The following JKAMP variants were observed in gnomAD, a reference collection of about 807,000 sequenced individuals.
The protein encoded by JKAMP is JNK1/MAPK8 associated membrane protein.
In JKAMP, 20 loss-of-function variants were observed where a neutral mutation model predicts 40.2. The observed-to-expected ratio is 0.50, with a 90% CI of 0.35 to 0.72. JKAMP has a LOEUF of 0.72. JKAMP is among the 30% of genes least tolerant of loss of function. The pLI is 0.01. For missense variants in JKAMP, 276 were observed against 373.0 expected (o/e 0.74, Z 2.14); for synonymous variants, 138 against 131.6 (o/e 1.05, Z -0.33).
intron 3 of JKAMP, among the ~76,000 whole-genome samples, chr14:59,493,372 C>G (rs1389300955): frequency 6.6e-6 from 1 of 152,198 alleles, no homozygotes; most frequent in African/African-American, 2.4e-5. Context: ...AATGCTGCAG[C>G]ATGGTCAAGC....
chr14:59,487,654 A>G lies in JKAMP; in HGVS notation c.97-20A>G. The G allele has an allele frequency of 6.3e-7, 1 of 1,584,622 alleles. No individual in the cohort carries two copies. Among genetic ancestry groups the G allele is most frequent in the African/African-American group, 1.3e-5 (1 of 74,424 alleles). On this transcript the variant is annotated intron_variant, in intron 2 of 6. Coordinates refer to ENST00000616435, the MANE Select transcript of JKAMP (RefSeq NM_016475.5). ...GTAAAATAATATCTGTACACAAAAT[A>G]TTGGTTTTATATATTATAGGTATGC...
In JKAMP at chr14:59,488,972, G is replaced by A. The variant is rs544329980; in HGVS notation, c.251+1144G>A. 5.3e-5 allele frequency among the ~76,000 whole-genome samples: 8 copies of A among 152,372 alleles called. No individual in the cohort carries two copies. The South Asian group carries it at 1.7e-3, about 32-fold the overall frequency. ...CTATTCTTTCCTTCTAGGCCTCTGG[G>A]CCTGTGGTCGGACAGGCAGTCTGAA... is the stretch of plus-strand genomic sequence containing the variant. On this transcript the variant is annotated intron_variant, in intron 3 of 6. Transcript: ENST00000616435.
chr14:59,490,308 A>C (rs1373782869), intron 3 of JKAMP, among the ~76,000 whole-genome samples: 1 of 152,206 alleles, frequency 6.6e-6, no homozygotes, highest in Admixed American at 6.5e-5. Flanking sequence ...CAAGTCATTC[A>C]TGAGGCTTCC....
At chr14:59,494,121 G>GTGTGTGT (rs1891242133) in intron 3 of JKAMP, among the ~76,000 whole-genome samples, 29 of 150,964 alleles carry the variant, frequency 1.9e-4, no homozygotes, top group African/African-American at 1.2e-4. Flanking sequence ...AGAAAATTTG[G>GTGTGTGT]GTGTGTGTGT....
chr14:59,487,603 G>A lies in JKAMP; in HGVS notation c.97-71G>A, dbSNP rs964395234. ...TTAAACTGAAATGGGATGTCTTATA[G>A]AATGATTTGGGGGGGTGTTAATGTT... On this transcript the variant is annotated intron_variant, in intron 2 of 6. Transcript: ENST00000616435. 5.2e-6 allele frequency: 6 copies of A among 1,155,666 alleles called. No homozygotes were observed. In the Admixed American group the frequency reaches 9.0e-5, roughly 17 times the overall value. The allele number at this position is 1,155,666 out of a possible 1,614,324, so 71.6% of individuals were successfully genotyped here. A position where few individuals can be genotyped will look rare whatever the true frequency, so the allele number is the denominator to read the frequency against.
At chr14:59,486,658 A>ATT in intron 1 of JKAMP, 55 bp from the exon 2 acceptor site, 1 of 1,245,054 alleles carries the variant, frequency 8.0e-7, no homozygotes, top group Non-Finnish European at 1.1e-6. Context: ...TATTATTGCA[A>ATT]TTATTTTTTA....
intron 3 of JKAMP, among the ~76,000 whole-genome samples, chr14:59,493,681 A>G (rs375398481): frequency 1.3e-5 from 2 of 152,360 alleles, no homozygotes; most frequent in African/African-American, 2.4e-5. Context: ...ACTGTGACAT[A>G]GCTCAGACCA....
intron 4 of JKAMP, among the ~76,000 whole-genome samples, chr14:59,497,614 G>C (rs1416001710): frequency 6.6e-6 from 1 of 152,130 alleles, no homozygotes; most frequent in Non-Finnish European, 1.5e-5. Flanking sequence ...ACACATAATG[G>C]TTTCCTCTTG....
intron 3 of JKAMP, among the ~76,000 whole-genome samples, chr14:59,489,576 A>G (rs555909103): frequency 6.6e-6 from 1 of 152,310 alleles, no homozygotes; most frequent in African/African-American, 2.4e-5. Flanking sequence ...AAACACTTTC[A>G]GCCTCTGTCT....
intron 4 of JKAMP, among the ~76,000 whole-genome samples, chr14:59,496,030 A>G (rs1891416430): frequency 6.6e-6 from 1 of 152,116 alleles, no homozygotes. Flanking sequence ...CAGCCTCCCA[A>G]GTAGCTGGGA....
At chr14:59,502,755 T>TGTGTTTTTTTTTTTGTTTTTG (rs67189643) in intron 6 of JKAMP, among the ~76,000 whole-genome samples, 3 of 122,916 alleles carry the variant, frequency 2.4e-5, no homozygotes, top group Non-Finnish European at 3.3e-5. Context: ...ATGAGATTTT[T>TGTGTTTTTTTTTTTGTTTTTG]TTTTTTTTTT....
intron 3 of JKAMP, among the ~76,000 whole-genome samples, chr14:59,490,518 T>G (rs1275413264): frequency 1.3e-5 from 2 of 152,078 alleles, no homozygotes; most frequent in Admixed American, 1.3e-4. Flanking sequence ...GTAGGTAGAT[T>G]AGAGGTGAGA....
At chr14:59,498,944 A>T in intron 5 of JKAMP, 36 bp downstream of exon 5, 1 of 1,138,116 alleles carries the variant, frequency 8.8e-7, no homozygotes, top group Non-Finnish European at 1.2e-6. Context: ...AAATATATTT[A>T]TTATTGTATG....
chr14:59,503,446 T>G (rs919015986), intron 6 of JKAMP, among the ~76,000 whole-genome samples: 1 of 152,184 alleles, frequency 6.6e-6, no homozygotes, highest in Non-Finnish European at 1.5e-5. Context: ...TTAAGGAGGT[T>G]GGGTTTCTGT....
At position 59,484,697 on chromosome 14, in the gene JKAMP, G is replaced by C. The variant is rs1000726968; in HGVS notation, c.4+104G>C. 1.2e-5 allele frequency: 17 copies of C among 1,397,586 alleles called. No homozygotes were observed. In the Middle Eastern group the frequency reaches 1.1e-3, roughly 87 times the overall value. The allele number at this position is 1,397,586 out of a possible 1,614,324, so 86.6% of individuals were successfully genotyped here. On this transcript the variant is annotated intron_variant, in intron 1 of 6. Coordinates refer to ENST00000616435, the MANE Select transcript of JKAMP (RefSeq NM_016475.5). ...TCTTTGTAGGCGGCCTTCGGTTGGC[G>C]GCGCAGGCTCGCCCCTTGACCCCGC...
At position 59,495,026 on chromosome 14, in the gene JKAMP, C is replaced by T. The variant is rs1372544344; in HGVS notation, c.260C>T (p.Ala87Val). The T allele has an allele frequency of 3.1e-6, 5 of 1,613,136 alleles. No homozygotes were observed. The highest frequency in any genetic ancestry group is 4.2e-6 in the Non-Finnish European group (5 of 1,179,240). Residue 87 changes from alanine (A) to valine (V), a missense_variant, in exon 4 of 7, where the codon GCA becomes GTA. Ala to Val is a moderately conservative substitution (Grantham distance 64, BLOSUM62 0). Coordinates refer to ENST00000616435, the MANE Select transcript of JKAMP (RefSeq NM_016475.5). ...CTCTTTTCCTTCTCTAGTTCCAGCG[C>T]ACTTTTCCAACACATCACTGCATTA... ...EWYSGKKSSS[A>V]LFQHITALFE...
At chr14:59,492,071 A>G (rs1015894231) in intron 3 of JKAMP, among the ~76,000 whole-genome samples, 1 of 152,178 alleles carries the variant, frequency 6.6e-6, no homozygotes, top group African/African-American at 2.4e-5. Flanking sequence ...AACAAACAAT[A>G]TATTTATGCT....
chr14:59,500,929 A>T (rs944654284), intron 5 of JKAMP: 1 of 355,678 alleles, frequency 2.8e-6, no homozygotes, highest in Non-Finnish European at 5.0e-6. Flanking sequence ...CCATTCATGT[A>T]TGTATTCTCT....
At chr14:59,486,625 T>G (rs1890596089) in intron 1 of JKAMP, 88 bp from the exon 2 acceptor site, 2 of 887,622 alleles carry the variant, frequency 2.3e-6, no homozygotes, top group Admixed American at 5.3e-5. Flanking sequence ...TTTGAAACTG[T>G]TATTTTTGCC....
Sources: allele counts gnomAD v4.1 joint callset (sites outside exome capture counted in the v4.1 genomes callset), GRCh38; gene constraint gnomAD v4.1.1; transcripts MANE v1.5; gene names NCBI Gene and HGNC (gene_info 2026-07-23, HGNC 2026-07-21).